The following POLE variants were observed in gnomAD, a reference collection of about 807,000 sequenced individuals.
POLE encodes the protein DNA polymerase epsilon catalytic subunit A.
A neutral mutation model predicts 279.2 loss-of-function variants in POLE; 188 were observed. The ratio of observed to expected loss-of-function variants is 0.67; its 90% CI spans 0.60 to 0.76. The LOEUF (loss-of-function observed/expected upper bound fraction) is 0.76. Ranked by LOEUF, POLE falls within the 30% of genes least tolerant of loss-of-function variation. The pLI is 0.00. For missense variants in POLE, 2,703 were observed against 3,016.7 expected (o/e 0.90, Z 2.44); for synonymous variants, 1,214 against 1,172.5 (o/e 1.04, Z -0.72).
chr12:132,625,889 A>C, intron 46 of POLE, 119 bp from the exon 47 acceptor site: 3 of 1,393,760 alleles, frequency 2.2e-6, no homozygotes, highest in Non-Finnish European at 2.9e-6. Flanking sequence ...GAGTCTCCTG[A>C]GTGCAGCTGC....
intron 23 of POLE, among the ~76,000 whole-genome samples, chr12:132,662,852 T>C (rs1272163102): frequency 1.3e-5 from 2 of 152,180 alleles, no homozygotes; most frequent in East Asian, 1.9e-4. Context: ...ACAATAACCC[T>C]GGGATGTCCA....
intron 31 of POLE, 115 bp downstream of exon 31, chr12:132,649,191 A>C: frequency 6.7e-7 from 1 of 1,481,928 alleles, no homozygotes; most frequent in Non-Finnish European, 9.2e-7. Context: ...TACGATGGGC[A>C]GGAAACTCCA....
In POLE at chr12:132,639,185, A is replaced by G. The variant is rs781674901; in HGVS notation, c.5492T>C (p.Leu1831Pro). The change falls in exon 40 of 49, where the codon CTG becomes CCG. Residue 1831 changes from leucine (L) to proline (P), a missense_variant. Transcript: ENST00000320574. This position sits in a 1 kb window ranked among gnomAD's most constrained non-coding sequence, Gnocchi z 4.7. ...GCGGTGCAGGGCAGGGTCATGAAGCAGAGAGGATGGCGACCGAAGCCAGCG... is the reference window on the plus strand; with the variant it reads ...GCGGTGCAGGGCAGGGTCATGAAGCGGAGAGGATGGCGACCGAAGCCAGCG... ...FYRWLRSPSS[L>P]LHDPALHRTL... The G allele has an allele frequency of 5.0e-6, 8 of 1,614,014 alleles. No individual in the cohort carries two copies. The highest frequency in any genetic ancestry group is 1.3e-5 in the African/African-American group (1 of 74,924).
In POLE at chr12:132,675,953, G is replaced by A; in HGVS notation, c.1021-133C>T. On this transcript the variant is annotated intron_variant, in intron 10 of 48. Transcript: ENST00000320574. This position sits in a 1 kb window ranked among gnomAD's most constrained non-coding sequence, Gnocchi z 4.3. ...CTGCCCCGCCCCTCCGCCCGTCTCT[G>A]GCAGAAAAGACGGTCATACCCTGAG... is the stretch of plus-strand genomic sequence containing the variant. 1.1e-6 allele frequency: 1 copy of A among 941,126 alleles called. No homozygotes were observed. The highest frequency in any genetic ancestry group is 1.7e-6 in the Non-Finnish European group (1 of 599,018). 58.3% of individuals were successfully genotyped at this position (941,126 alleles called of 1,614,324 possible). A position where few individuals can be genotyped will look rare whatever the true frequency, so the allele number is the denominator to read the frequency against.
At chr12:132,679,882 T>C (rs2043131689) in intron 5 of POLE, 72 bp downstream of exon 5, 2 of 1,198,560 alleles carry the variant, frequency 1.7e-6, no homozygotes, top group Non-Finnish European at 2.4e-6. Flanking sequence ...TTCTACCTCT[T>C]CCGATCCCAC....
At chr12:132,655,179 T>C (rs1000855413) in intron 29 of POLE, among the ~76,000 whole-genome samples, 26 of 152,258 alleles carry the variant, frequency 1.7e-4, no homozygotes, top group African/African-American at 6.3e-4. Flanking sequence ...TACTAATACA[T>C]GCATTTAGAT....
chr12:132,675,153 G>A lies in POLE; in HGVS notation c.1226+245C>T, dbSNP rs1304164119. 3.3e-5 allele frequency among the ~76,000 whole-genome samples: 5 copies of A among 152,142 alleles called. No homozygotes were observed. The highest frequency in any genetic ancestry group is 7.2e-5 in the African/African-American group (3 of 41,418). The stretch of plus-strand genomic sequence containing the variant: ...TGTCAGCTGAGTGCGTCTTTCCAGC[G>A]GCTTCCCCACCCCAGAGGCTGATGC... On this transcript the variant is annotated intron_variant, in intron 12 of 48. Transcript: ENST00000320574. This position sits in a 1 kb window ranked among gnomAD's most constrained non-coding sequence, Gnocchi z 4.3.
At position 132,661,634 on chromosome 12, in the gene POLE, G is replaced by T; in HGVS notation, c.2757C>A (p.Leu919=). 1 of 1,614,206 alleles carries T rather than the reference G, an allele frequency of 6.2e-7. No individual in the cohort carries two copies. Among genetic ancestry groups the T allele is most frequent in the Non-Finnish European group, 8.5e-7 (1 of 1,180,036 alleles). Residue 919 remains leucine, a synonymous_variant, in exon 24 of 49, where the codon CTC becomes CTA. Transcript: ENST00000320574. The surrounding 1 kb of genome is among the most constrained non-coding windows in gnomAD (Gnocchi z 4.1). ...QYQELAEPSS[L]TYVTRSENSI... is the part of the protein sequence containing the mutation. Reference sequence around the variant, plus strand: ...TGTTCTCTGAGCGGGTGACGTAGGTGAGTGAGGACGGCTCAGCCAGCTCCT... The same window carrying T: ...TGTTCTCTGAGCGGGTGACGTAGGTTAGTGAGGACGGCTCAGCCAGCTCCT...
intron 16 of POLE, among the ~76,000 whole-genome samples, chr12:132,671,262 C>CAA (rs397850854): frequency 2.4e-3 from 155 of 64,244 alleles, no homozygotes; most frequent in Non-Finnish European, 3.0e-3. Flanking sequence ...GACTCCGTCT[C>CAA]AAAAAAAAAA....
intron 12 of POLE, among the ~76,000 whole-genome samples, chr12:132,674,583 A>G (rs2043001158): frequency 6.6e-6 from 1 of 152,056 alleles, no homozygotes; most frequent in Admixed American, 6.5e-5. Flanking sequence ...CCTAAGAACC[A>G]GCATCCCTGG....
chr12:132,664,168 C>G lies in POLE; in HGVS notation c.2562-20G>C, dbSNP rs557791800. 1.9e-6 allele frequency: 3 copies of G among 1,612,790 alleles called. No individual in the cohort carries two copies. On this transcript the variant is annotated intron_variant, in intron 22 of 48. Coordinates refer to ENST00000320574, the MANE Select transcript of POLE (RefSeq NM_006231.4). This position sits in a 1 kb window ranked among gnomAD's most constrained non-coding sequence, Gnocchi z 5.3. ...GGCCTCCTTCAGAGAAAGAGAGGAG[C>G]AAGGTCGTGAGTTCCCCTTTCCTTT...
chr12:132,627,294 A>G (rs1186421336), intron 45 of POLE, among the ~76,000 whole-genome samples: 1 of 151,610 alleles, frequency 6.6e-6, no homozygotes, highest in South Asian at 2.1e-4. Context: ...AAAAAAAAAA[A>G]GCTATGTGAT....
rs1413485559 is a variant in POLE, at chr12:132,666,652, AT to A, written c.2319+850del. 2.0e-5 allele frequency among the ~76,000 whole-genome samples: 3 copies of A among 152,158 alleles called. No homozygotes were observed. In the East Asian group the frequency reaches 5.8e-4, roughly 29 times the overall value. Reference sequence around the variant, plus strand: ...TACAAATACTGCACGGTTCACTTACATGACATCCCTAGAGTCGTGGAATTCA... The same window carrying A: ...TACAAATACTGCACGGTTCACTTACAGACATCCCTAGAGTCGTGGAATTCA... On this transcript the variant is annotated intron_variant, in intron 20 of 48. Coordinates refer to ENST00000320574, the MANE Select transcript of POLE (RefSeq NM_006231.4).
intron 23 of POLE, among the ~76,000 whole-genome samples, chr12:132,663,463 T>G (rs1326950756): frequency 1.3e-5 from 2 of 152,172 alleles, no homozygotes; most frequent in African/African-American, 4.8e-5. Context: ...AGACAACCCC[T>G]GATCAAGGGA....
In POLE at chr12:132,626,315, C is replaced by A; in HGVS notation, c.6333G>T (p.Val2111=). The A allele has an allele frequency of 6.2e-7, 1 of 1,613,566 alleles. No individual in the cohort carries two copies. Among genetic ancestry groups the A allele is most frequent in the South Asian group, 1.1e-5 (1 of 91,088 alleles). The change falls in exon 46 of 49, where the codon GTG becomes GTT. Residue 2111 remains valine, a splice_region_variant and synonymous_variant. Transcript: ENST00000320574. ...ALEFIKYVCK[V]LSLDTNITNQ... ...TTGTGATGTTGGTGTCCAGGGACAG[C>A]ACCTGCAGAGACCACAGCCCACATC...
intron 2 of POLE, 91 bp from the exon 3 acceptor site, chr12:132,680,778 A>G: frequency 3.0e-6 from 3 of 987,914 alleles, no homozygotes; most frequent in South Asian, 2.6e-5. Flanking sequence ...TCAGCACTTT[A>G]GAAACAAACC....
In POLE at chr12:132,673,289, A is replaced by G. The variant is rs1410225605; in HGVS notation, c.1360-12T>C. 1.3e-6 allele frequency: 2 copies of G among 1,548,150 alleles called. No homozygotes were observed. The highest frequency in any genetic ancestry group is 2.7e-5 in the African/African-American group (2 of 73,568). ...TACGTGGCCAGAGTCTGAGGAGAGA[A>G]CGCCAGAGAGCAGGGCCATCAAAAA... On this transcript the variant is annotated splice_polypyrimidine_tract_variant and intron_variant, in intron 13 of 48. Coordinates refer to ENST00000320574, the MANE Select transcript of POLE (RefSeq NM_006231.4).
chr12:132,678,704 G>A (rs2136024954), intron 6 of POLE, among the ~76,000 whole-genome samples: 1 of 152,360 alleles, frequency 6.6e-6, no homozygotes, highest in African/African-American at 2.4e-5. Flanking sequence ...CTGAAGAGCA[G>A]GCCTGGGCTT....
intron 16 of POLE, among the ~76,000 whole-genome samples, chr12:132,671,620 A>G (rs5744786): frequency 0.68 from 100,987 of 147,872 alleles, 35,672 homozygotes; most frequent in African/African-American, 0.85. Flanking sequence ...AGTGAGCCAA[A>G]CTCATGCCAT....
Sources: allele counts gnomAD v4.1 joint callset (sites outside exome capture counted in the v4.1 genomes callset), GRCh38; gene constraint gnomAD v4.1.1; non-coding constraint Gnocchi (gnomAD v3.1); transcripts MANE v1.5; gene names NCBI Gene and HGNC (gene_info 2026-07-23, HGNC 2026-07-21).